The following PSMB2 variants were observed in gnomAD, a reference collection of about 807,000 sequenced individuals.
The protein encoded by PSMB2 is proteasome 20S subunit beta 2, also known as proteasome subunit beta type-2.
Under a neutral mutation model 25.7 loss-of-function variants are expected in PSMB2, and 13 were observed. The observed-to-expected ratio is 0.51, with a 90% CI of 0.33 to 0.80. The LOEUF (loss-of-function observed/expected upper bound fraction) is 0.80, where lower values mean the gene tolerates loss of function less well. PSMB2 is among the 30% of genes least tolerant of loss of function. The pLI is 0.02. For synonymous variants in PSMB2, 87 were observed against 96.2 expected, an observed-to-expected ratio of 0.90 and a Z score of 0.56; for missense variants, 202 against 259.0, an observed-to-expected ratio of 0.78 and a Z score of 1.51.
At chr1:35,627,939 T>C (rs1445793870) in intron 3 of PSMB2, among the ~76,000 whole-genome samples, 1 of 152,082 alleles carries the variant, frequency 6.6e-6, no homozygotes, top group African/African-American at 2.4e-5. Flanking sequence ...AAATTAGAAA[T>C]CAAACAATTT....
chr1:35,624,323 G>A (rs1000088666), intron 3 of PSMB2, among the ~76,000 whole-genome samples: 1 of 152,198 alleles, frequency 6.6e-6, no homozygotes. Flanking sequence ...AGCAGAGCTA[G>A]TATTAACCCT....
chr1:35,611,837 AG>A (rs1557449121), intron 3 of PSMB2, among the ~76,000 whole-genome samples: 1 of 141,346 alleles, frequency 7.1e-6, no homozygotes. Context: ...CAAAAAAAAA[AG>A]GAGAGAGAGA....
Position 35,601,465 on chromosome 1 carries a change from A to C in PSMB2, c.*1802T>G. The C allele has an allele frequency of 1.0e-6, 1 of 985,376 alleles. No homozygotes were observed. The highest frequency in any genetic ancestry group is 1.2e-6 in the Non-Finnish European group (1 of 829,908). 61.0% of individuals were successfully genotyped at this position (985,376 alleles called of 1,614,324 possible). A position where few individuals can be genotyped will look rare whatever the true frequency, so the allele number is the denominator to read the frequency against. On this transcript the variant is annotated 3_prime_UTR_variant, in exon 6 of 6. Transcript: ENST00000373237. ...ATATTCATGGTGGTGTTGGAGGTTG[A>C]ATCAACTGTAGTGACGTGAATCATC...
At chr1:35,631,399 C>T (rs1651094100) in intron 2 of PSMB2, 55 bp from the exon 3 acceptor site, 13 of 1,604,180 alleles carry the variant, frequency 8.1e-6, no homozygotes, top group Admixed American at 3.4e-5. Context: ...AATAACAGTG[C>T]CCCAAATTAT....
intron 1 of PSMB2, among the ~76,000 whole-genome samples, chr1:35,640,145 G>A (rs1049609528): frequency 6.6e-6 from 1 of 151,108 alleles, no homozygotes; most frequent in East Asian, 2.0e-4. Flanking sequence ...GAAGATTTTG[G>A]TTGTTTTTCT....
Position 35,600,834 on chromosome 1 carries a change from G to A in PSMB2, c.*2433C>T. 1 of 985,396 alleles carries A rather than the reference G, an allele frequency of 1.0e-6. No homozygotes were observed. The highest frequency in any genetic ancestry group is 1.2e-6 in the Non-Finnish European group (1 of 829,942). 61.0% of individuals were successfully genotyped at this position (985,396 alleles called of 1,614,324 possible). ...ATGTCATCCCTGGTGAGGCCTGAAT[G>A]CAGAATAACAAGTTTACCAATCATT... On this transcript the variant is annotated 3_prime_UTR_variant, in exon 6 of 6. Coordinates refer to ENST00000373237, the MANE Select transcript of PSMB2 (RefSeq NM_002794.5).
At chr1:35,635,797 C>G (rs1204155815) in intron 2 of PSMB2, among the ~76,000 whole-genome samples, 5 of 144,994 alleles carry the variant, frequency 3.4e-5, no homozygotes, top group Non-Finnish European at 5.9e-5. Flanking sequence ...CCATTGCACT[C>G]CAGCCTGGGC....
rs947305261 is a variant in PSMB2 at position 35,602,321 on chromosome 1, C to A, written c.*946G>T. The A allele has an allele frequency of 3.9e-5, 6 of 152,072 alleles. No individual in the cohort carries two copies. Among genetic ancestry groups the A allele is most frequent in the African/African-American group, 1.4e-4 (6 of 41,430 alleles). The allele number at this position is 152,072 out of a possible 1,614,324, so 9.4% of individuals were successfully genotyped here. ...CACTCCAGCCTGGGCTAGAGTGAGA[C>A]CCTGTCTCTAAATAAATAAATAAAT... is the stretch of plus-strand genomic sequence containing the variant. On this transcript the variant is annotated 3_prime_UTR_variant, in exon 6 of 6. Coordinates refer to ENST00000373237, the MANE Select transcript of PSMB2 (RefSeq NM_002794.5).
chr1:35,630,693 A>G (rs1312019579), intron 3 of PSMB2, among the ~76,000 whole-genome samples: 1 of 152,200 alleles, frequency 6.6e-6, no homozygotes, highest in Non-Finnish European at 1.5e-5. Context: ...GGGGATGGAG[A>G]AGGATGAATA....
chr1:35,620,178 T>C (rs145890548), intron 3 of PSMB2, among the ~76,000 whole-genome samples: 1 of 152,352 alleles, frequency 6.6e-6, no homozygotes, highest in Non-Finnish European at 1.5e-5. Context: ...ATAAATAAGA[T>C]GGTCTTCTAG....
In PSMB2 at chr1:35,601,825, A is replaced by C; in HGVS notation, c.*1442T>G. ...AACATTCTGAAACACACATCTGGTCAAGAACCACTGTTTTAATAGCTTTAA... is the reference window on the plus strand; with the variant it reads ...AACATTCTGAAACACACATCTGGTCCAGAACCACTGTTTTAATAGCTTTAA... On this transcript the variant is annotated 3_prime_UTR_variant, in exon 6 of 6. Transcript: ENST00000373237. 42 of 985,474 alleles carry C rather than the reference A, an allele frequency of 4.3e-5. No individual in the cohort carries two copies. Among genetic ancestry groups the C allele is most frequent in the Non-Finnish European group, 4.8e-5 (40 of 829,948 alleles). The allele number at this position is 985,474 out of a possible 1,614,324, so 61.0% of individuals were successfully genotyped here.
chr1:35,636,327 A>T lies in PSMB2; in HGVS notation c.197T>A (p.Leu66His). 6.2e-7 allele frequency: 1 copy of T among 1,614,150 alleles called. No individual in the cohort carries two copies. Among genetic ancestry groups the T allele is most frequent in the Non-Finnish European group, 8.5e-7 (1 of 1,180,010 alleles). The change falls in exon 2 of 6, where the codon CTT becomes CAT. Residue 66 changes from leucine to histidine, a missense_variant. Coordinates refer to ENST00000373237, the MANE Select transcript of PSMB2 (RefSeq NM_002794.5). ...TTACCCACCATTTCGCATCTTATAA[A>T]GTTGCACGTTTTTCTGAATATATTC... ...FAEYIQKNVQ[L>H]YKMRNGYELS...
At chr1:35,622,004 G>GA (rs148609155) in intron 3 of PSMB2, among the ~76,000 whole-genome samples, 17 of 145,108 alleles carry the variant, frequency 1.2e-4, no homozygotes, top group South Asian at 2.2e-4. Context: ...TCAAAAAGAA[G>GA]AAAAAAAAAA....
chr1:35,628,618 TATATATATA>T (rs1198889955), intron 3 of PSMB2, among the ~76,000 whole-genome samples: 2 of 52,332 alleles, frequency 3.8e-5, no homozygotes, highest in African/African-American at 1.5e-4. Context: ...TATATATATA[TATATATATA>T]TATATTTTTT....
rs764430212 is a variant in PSMB2 at position 35,601,337 on chromosome 1, G to A, written c.*1930C>T. The A allele has an allele frequency of 2.0e-6, 2 of 979,066 alleles. No homozygotes were observed. 60.6% of individuals were successfully genotyped at this position (979,066 alleles called of 1,614,324 possible). On this transcript the variant is annotated 3_prime_UTR_variant, in exon 6 of 6. Transcript: ENST00000373237. ...CCGCCCGCCTCGGCGGGCGGCCAAA[G>A]TGCTGGGATTACAGGCATGAGCCAC... is the stretch of plus-strand genomic sequence containing the variant.
At chr1:35,628,509 T>C (rs1253413966) in intron 3 of PSMB2, among the ~76,000 whole-genome samples, 1 of 141,934 alleles carries the variant, frequency 7.0e-6, no homozygotes, top group Non-Finnish European at 1.5e-5. Flanking sequence ...AAAACTAATA[T>C]CTGACCCATT....
intron 3 of PSMB2, among the ~76,000 whole-genome samples, chr1:35,625,152 G>T (rs745487910): frequency 3.3e-5 from 5 of 151,988 alleles, no homozygotes; most frequent in Non-Finnish European, 5.9e-5. Flanking sequence ...ACATCAGGCT[G>T]GATATCTTTT....
At chr1:35,636,527 T>C (rs1168380180) in intron 1 of PSMB2, 95 bp from the exon 2 acceptor site, 2 of 1,407,482 alleles carry the variant, frequency 1.4e-6, no homozygotes, top group Non-Finnish European at 1.9e-6. Context: ...ATTACTACAG[T>C]TGGCCTTCCA....
At chr1:35,632,864 A>G (rs1386994072) in intron 2 of PSMB2, among the ~76,000 whole-genome samples, 1 of 152,096 alleles carries the variant, frequency 6.6e-6, no homozygotes, top group Non-Finnish European at 1.5e-5. Flanking sequence ...ACTGCACTCC[A>G]GCCCAGGCGA....
Sources: gnomAD v4.1 joint callset for allele counts (sites outside exome capture counted in the v4.1 genomes callset) on GRCh38, gnomAD v4.1.1 for gene constraint, MANE v1.5 for transcripts, NCBI Gene and HGNC (gene_info 2026-07-23, HGNC 2026-07-21) for gene names.